SAMD8: variants seen among roughly 807,000 people sequenced by gnomAD.
SAMD8 encodes the protein sphingomyelin synthase-related protein 1.
In SAMD8, 20 loss-of-function variants were observed where a neutral mutation model predicts 42.0. The ratio of observed to expected loss-of-function variants is 0.48; its 90% CI spans 0.34 to 0.69. SAMD8 has a LOEUF of 0.69. Ranked by LOEUF, SAMD8 falls within the 30% of genes least tolerant of loss-of-function variation. The pLI is 0.01. For missense variants in SAMD8, 328 were observed against 511.6 expected, an observed-to-expected ratio of 0.64 and a Z score of 3.46; for synonymous variants, 162 against 173.0, an observed-to-expected ratio of 0.94 and a Z score of 0.50.
intron 1 of SAMD8, among the ~76,000 whole-genome samples, chr10:75,128,147 A>G (rs1395826169): frequency 1.4e-5 from 2 of 139,814 alleles, no homozygotes; most frequent in Non-Finnish European, 3.0e-5. Context: ...ATCTTGGCTC[A>G]TTGCAACCTC....
At chr10:75,105,782 G>C in intron 1 of SAMD8, 1 of 1,551,322 alleles carries the variant, frequency 6.4e-7, no homozygotes, top group Non-Finnish European at 8.7e-7. Flanking sequence ...GCCTGGCGCA[G>C]GGACAGCCGC....
chr10:75,164,672 C>T lies in SAMD8; in HGVS notation c.606C>T (p.Ala202=), dbSNP rs777193438. ...TTCCTAGAATCCCATGGGCCTTTGC[C>T]ATGACGGAAGTATGTGGCATGATTC... ...DSVPRIPWAF[A]MTEVCGMILC... Residue 202 remains alanine (A), a synonymous_variant, in exon 3 of 6, where the codon GCC becomes GCT. Transcript: ENST00000542569. 5.0e-5 allele frequency: 80 copies of T among 1,613,978 alleles called. No homozygotes were observed. In the East Asian group the frequency reaches 1.8e-3, roughly 36 times the overall value.
upstream of SAMD8, chr10:75,109,168 GC>G: frequency 6.4e-7 from 1 of 1,560,332 alleles, no homozygotes. Context: ...GGGCCAGCCC[GC>G]CCACCCCTCT....
intron 4 of SAMD8, among the ~76,000 whole-genome samples, chr10:75,171,799 C>A (rs12257843): frequency 6.6e-6 from 1 of 151,920 alleles, no homozygotes; most frequent in Non-Finnish European, 1.5e-5. Context: ...CCAAGGTGGG[C>A]GGATCACTTG....
intron 1 of SAMD8, among the ~76,000 whole-genome samples, chr10:75,143,190 C>T (rs973046294): frequency 2.0e-5 from 3 of 152,166 alleles, no homozygotes; most frequent in Admixed American, 6.5e-5. Flanking sequence ...GCCCATAATC[C>T]CAGCTACTGG....
intron 2 of SAMD8, among the ~76,000 whole-genome samples, chr10:75,160,389 G>A (rs1275435365): frequency 6.7e-6 from 1 of 149,090 alleles, no homozygotes; most frequent in African/African-American, 2.5e-5. Flanking sequence ...GTATTTTTTA[G>A]TAGGGACGGG....
chr10:75,170,880 TCTC>T (rs1840843440), intron 4 of SAMD8, among the ~76,000 whole-genome samples: 1 of 150,312 alleles, frequency 6.7e-6, no homozygotes, highest in Non-Finnish European at 1.5e-5. Context: ...TTCAAGCCAT[TCTC>T]CTGCCTCAGC....
At chr10:75,108,180 C>G, upstream of SAMD8, 1 of 1,611,348 alleles carries the variant, frequency 6.2e-7, no homozygotes, top group Non-Finnish European at 8.5e-7. Flanking sequence ...GCCCAGCTTC[C>G]ACAGCTCAAA....
At chr10:75,119,193 T>C (rs926151308) in intron 1 of SAMD8, among the ~76,000 whole-genome samples, 1 of 152,100 alleles carries the variant, frequency 6.6e-6, no homozygotes. Flanking sequence ...GTTTCGCTCT[T>C]GTTACTGAGG....
At chr10:75,142,892 A>AGCATCCTCTTCCTTTTAATGAGGG (rs1840053091) in intron 1 of SAMD8, among the ~76,000 whole-genome samples, 1 of 152,114 alleles carries the variant, frequency 6.6e-6, no homozygotes, top group Non-Finnish European at 1.5e-5. Context: ...ATGAATGAGG[A>AGCATCCTCTTCCTTTTAATGAGGG]CAGCATCCTC....
At chr10:75,113,971 C>A (rs1263199515) in intron 1 of SAMD8, among the ~76,000 whole-genome samples, 1 of 152,312 alleles carries the variant, frequency 6.6e-6, no homozygotes, top group African/African-American at 2.4e-5. Context: ...GTACAATTAA[C>A]ATATTAGCAT....
intron 1 of SAMD8, chr10:75,125,245 G>A (rs1425250262): frequency 6.6e-6 from 1 of 152,230 alleles, no homozygotes; most frequent in Admixed American, 6.5e-5. Context: ...GTCTAAAAGG[G>A]CTACTGCCTT....
chr10:75,126,484 A>G (rs1849139284), intron 1 of SAMD8, among the ~76,000 whole-genome samples: 1 of 150,666 alleles, frequency 6.6e-6, no homozygotes, highest in Non-Finnish European at 1.5e-5. Flanking sequence ...TAAATGTAAC[A>G]TATGAGTGCT....
chr10:75,145,691 A>C (rs1840114588), intron 1 of SAMD8, among the ~76,000 whole-genome samples: 1 of 152,176 alleles, frequency 6.6e-6, no homozygotes, highest in Admixed American at 6.6e-5. Flanking sequence ...CCTGTGCATT[A>C]TAGAATGTTT....
chr10:75,143,853 TTC>T (rs1178457853), intron 1 of SAMD8, among the ~76,000 whole-genome samples: 2 of 152,156 alleles, frequency 1.3e-5, no homozygotes, highest in Non-Finnish European at 2.9e-5. Context: ...ATTTTTTCTG[TTC>T]TCTCTTGTCT....
At chr10:75,118,474 T>A (rs1403478560) in intron 1 of SAMD8, among the ~76,000 whole-genome samples, 6 of 152,228 alleles carry the variant, frequency 3.9e-5, no homozygotes, top group Middle Eastern at 3.4e-3. Context: ...TGAAATGCTG[T>A]CTCTACTAAA....
chr10:75,149,661 C>T (rs1039639382), intron 1 of SAMD8, among the ~76,000 whole-genome samples: 2 of 152,108 alleles, frequency 1.3e-5, no homozygotes, highest in Non-Finnish European at 2.9e-5. Flanking sequence ...TTTATTTCCC[C>T]CCAGGTGGGG....
chr10:75,113,932 A>C (rs1264460001), intron 1 of SAMD8, among the ~76,000 whole-genome samples: 1 of 152,228 alleles, frequency 6.6e-6, no homozygotes, highest in Non-Finnish European at 1.5e-5. Flanking sequence ...TGTTATTGCA[A>C]AATTAAAGAG....
intron 1 of SAMD8, among the ~76,000 whole-genome samples, chr10:75,144,721 G>A (rs1259253537): frequency 1.3e-5 from 2 of 151,960 alleles, no homozygotes; most frequent in African/African-American, 2.4e-5. Flanking sequence ...GCAGTGGCGC[G>A]ATCTCAGTCC....
Sources: gnomAD v4.1 joint callset for allele counts (sites outside exome capture counted in the v4.1 genomes callset) on GRCh38, gnomAD v4.1.1 for gene constraint, MANE v1.5 for transcripts, NCBI Gene and HGNC (gene_info 2026-07-23, HGNC 2026-07-21) for gene names.